The following COL24A1 variants were observed in gnomAD, a reference collection of about 807,000 sequenced individuals.
The protein encoded by COL24A1 is collagen alpha-1(XXIV) chain.
In COL24A1, 224 loss-of-function variants were observed where a neutral mutation model predicts 253.9. That is an observed-to-expected ratio of 0.88 (90% CI 0.79 to 0.99). The LOEUF (loss-of-function observed/expected upper bound fraction) is 0.99. Ranked by LOEUF, COL24A1 falls within the 50% of genes least tolerant of loss-of-function variation. The pLI, the probability that COL24A1 is intolerant of heterozygous loss-of-function variation, is 0.00. For synonymous variants in COL24A1, 685 were observed against 673.7 expected (o/e 1.02, Z -0.26); for missense variants, 2,131 against 2,068.5 (o/e 1.03, Z -0.59).
chr1:85,842,338 AC>A lies in COL24A1; in HGVS notation c.3516+1del. Reference sequence around the variant, plus strand: ...TATATTTTTTCAATTATAAATACTTACCCTGTACCCTGGAATTCCTGGTTCT... The same window carrying A: ...TATATTTTTTCAATTATAAATACTTACCTGTACCCTGGAATTCCTGGTTCT... On this transcript the variant is annotated splice_donor_variant, in intron 40 of 59. Coordinates refer to ENST00000370571, the MANE Select transcript of COL24A1 (RefSeq NM_152890.7). LOFTEE classifies it high-confidence loss of function. 1 of 1,589,858 alleles carries A rather than the reference AC, an allele frequency of 6.3e-7. No homozygotes were observed. The highest frequency in any genetic ancestry group is 8.6e-7 in the Non-Finnish European group (1 of 1,164,908).
chr1:86,041,509 T>C (rs1043876587), intron 12 of COL24A1, among the ~76,000 whole-genome samples: 15 of 152,138 alleles, frequency 9.9e-5, no homozygotes, highest in Non-Finnish European at 1.9e-4. Flanking sequence ...GTAAATGCTT[T>C]TTTTAAAAGC....
Position 86,046,824 on chromosome 1 carries a change from C to A in COL24A1, c.1950+1G>T, listed in dbSNP as rs779903122. 6.2e-7 allele frequency: 1 copy of A among 1,611,630 alleles called. No individual in the cohort carries two copies. The highest frequency in any genetic ancestry group is 8.5e-7 in the Non-Finnish European group (1 of 1,178,118). On this transcript the variant is annotated splice_donor_variant, in intron 12 of 59. Transcript: ENST00000370571. LOFTEE classifies it high-confidence loss of function. ...ACCTCAAAAAACACAAATTAAGATA[C>A]CTGTCTCCCCTTAAAACCCTTCTTT...
In COL24A1 at chr1:85,828,267, T is replaced by TCTAG. The variant is rs1192879974; in HGVS notation, c.3682-4530_3682-4529insCTAG. The stretch of plus-strand genomic sequence containing the variant: ...TTCTTAATCCTGAGTTCTAGTTTGA[T>TCTAG]TGCACTGTGGTCTGAGAGATAAGTT... On this transcript the variant is annotated intron_variant, in intron 43 of 59. Transcript: ENST00000370571. 6.8e-4 allele frequency among the ~76,000 whole-genome samples: 92 copies of TCTAG among 134,320 alleles called. No homozygotes were observed. In the East Asian group the frequency reaches 0.017, roughly 25 times the overall value. 88.1% of individuals were successfully genotyped at this position (134,320 alleles called of 152,430 possible).
intron 8 of COL24A1, among the ~76,000 whole-genome samples, chr1:86,060,217 A>C (rs575326786): frequency 1.3e-5 from 2 of 152,230 alleles, no homozygotes; most frequent in African/African-American, 4.8e-5. Flanking sequence ...TTTTTCATTG[A>C]TACATCATTC....
intron 55 of COL24A1, among the ~76,000 whole-genome samples, chr1:85,746,814 C>T (rs569262450): frequency 6.6e-6 from 1 of 152,090 alleles, no homozygotes; most frequent in Non-Finnish European, 1.5e-5. Context: ...CTAAAATATT[C>T]TCTGCAGATT....
intron 12 of COL24A1, among the ~76,000 whole-genome samples, chr1:86,035,991 A>C (rs999496685): frequency 3.3e-5 from 5 of 152,094 alleles, no homozygotes; most frequent in African/African-American, 1.2e-4. Flanking sequence ...CAAAATACTT[A>C]CTTTCTACAA....
intron 31 of COL24A1, among the ~76,000 whole-genome samples, chr1:85,893,917 A>G (rs1683388696): frequency 6.6e-6 from 1 of 152,198 alleles, no homozygotes; most frequent in African/African-American, 2.4e-5. Context: ...TGCTGGGATT[A>G]CAGGCATGAG....
rs547006078 is a variant in COL24A1 at position 85,894,903 on chromosome 1, T to C, written c.2922+955A>G. The stretch of plus-strand genomic sequence containing the variant: ...AACAAGCAAATGCAGTGACATTTAC[T>C]ACATAGACAATTATTAATACTGTAG... On this transcript the variant is annotated intron_variant, in intron 31 of 59. Coordinates refer to ENST00000370571, the MANE Select transcript of COL24A1 (RefSeq NM_152890.7). 1.6e-4 allele frequency among the ~76,000 whole-genome samples: 24 copies of C among 152,294 alleles called. No homozygotes were observed. The East Asian group carries it at 4.2e-3, about 27-fold the overall frequency.
chr1:85,736,136 T>G, intron 58 of COL24A1: 2 of 334,644 alleles, frequency 6.0e-6, no homozygotes, highest in Non-Finnish European at 1.2e-5. Context: ...AAATGACAAA[T>G]GTAATTTACC....
At chr1:86,024,273 T>C (rs1352953120) in intron 14 of COL24A1, among the ~76,000 whole-genome samples, 3 of 151,596 alleles carry the variant, frequency 2.0e-5, no homozygotes, top group Non-Finnish European at 4.4e-5. Flanking sequence ...GCACTGTACT[T>C]TTTTTTTCCT....
At chr1:85,887,032 A>C (rs997660229) in intron 32 of COL24A1, among the ~76,000 whole-genome samples, 4 of 152,204 alleles carry the variant, frequency 2.6e-5, no homozygotes, top group Admixed American at 2.6e-4. Context: ...CTTTTAGTTA[A>C]CTTGAGAATC....
In COL24A1 at chr1:85,875,284, C is replaced by G. The variant is rs772958897; in HGVS notation, c.3077G>C (p.Gly1026Ala). 1.2e-6 allele frequency: 2 copies of G among 1,613,658 alleles called. No individual in the cohort carries two copies. Among genetic ancestry groups the G allele is most frequent in the East Asian group, 4.5e-5 (2 of 44,864 alleles). Residue 1026 changes from glycine (G) to alanine (A), a missense_variant, in exon 34 of 60, where the codon GGT (glycine) becomes GCT (alanine). Physicochemically the swap from Gly to Ala is moderately conservative, Grantham distance 60. Transcript: ENST00000370571. Reference protein sequence around the residue: ...EGESGLQGEPGAKGDVGTAGS... With the variant: ...EGESGLQGEPAAKGDVGTAGS... ...TATTTTTTAGAAGGTTACCTTTGCA[C>G]CTGGTTCACCTTGCAGACCAGACTC...
intron 47 of COL24A1, among the ~76,000 whole-genome samples, chr1:85,792,209 G>A (rs1341211586): frequency 3.3e-5 from 5 of 151,822 alleles, no homozygotes; most frequent in Admixed American, 1.3e-4. Flanking sequence ...TTCTCTTCTA[G>A]GAATAACTTA....
chr1:85,961,502 T>C (rs1205498721), intron 23 of COL24A1, among the ~76,000 whole-genome samples: 1 of 152,166 alleles, frequency 6.6e-6, no homozygotes, highest in Non-Finnish European at 1.5e-5. Context: ...ATCCTGCACA[T>C]GTACCCCAGA....
At chr1:85,802,380 C>A (rs1232433998) in intron 47 of COL24A1, among the ~76,000 whole-genome samples, 1 of 152,110 alleles carries the variant, frequency 6.6e-6, no homozygotes, top group Non-Finnish European at 1.5e-5. Flanking sequence ...ATTCTTTAAG[C>A]ACATCCAGTT....
intron 42 of COL24A1, 62 bp from the exon 43 acceptor site, chr1:85,838,700 G>T: frequency 6.9e-7 from 1 of 1,457,116 alleles, no homozygotes; most frequent in Non-Finnish European, 9.6e-7. Flanking sequence ...TGCGAATGCA[G>T]GTGATAAGAT....
intron 57 of COL24A1, among the ~76,000 whole-genome samples, chr1:85,738,285 T>C (rs1269537605): frequency 6.6e-6 from 1 of 152,220 alleles, no homozygotes; most frequent in African/African-American, 2.4e-5. Context: ...TATATCTTTA[T>C]GTATAATACT....
intron 58 of COL24A1, among the ~76,000 whole-genome samples, chr1:85,737,115 A>G (rs2100839256): frequency 6.6e-6 from 1 of 152,326 alleles, no homozygotes; most frequent in East Asian, 1.9e-4. Context: ...ATGCATAAAA[A>G]CATAGCATAT....
chr1:85,758,335 T>C (rs1666489543), intron 55 of COL24A1, among the ~76,000 whole-genome samples: 1 of 152,154 alleles, frequency 6.6e-6, no homozygotes, highest in Non-Finnish European at 1.5e-5. Context: ...TTAATTGGAA[T>C]ACATCAGTTG....
Sources: allele counts gnomAD v4.1 joint callset (sites outside exome capture counted in the v4.1 genomes callset), GRCh38; gene constraint gnomAD v4.1.1; transcripts MANE v1.5; gene names NCBI Gene and HGNC (gene_info 2026-07-23, HGNC 2026-07-21).